ACOT11: variants seen among roughly 807,000 people sequenced by gnomAD.
The protein encoded by ACOT11 is acyl-coenzyme A thioesterase 11.
ACOT11 carries 69 observed loss-of-function variants against 77.5 expected under a neutral mutation model. That is an observed-to-expected ratio of 0.89 (90% CI 0.73 to 1.09). The LOEUF is 1.09. ACOT11 is among the 50% of genes least tolerant of loss of function. ACOT11 has a pLI of 0.00. For missense variants in ACOT11, 766 were observed against 813.7 expected, an observed-to-expected ratio of 0.94 and a Z score of 0.71; for synonymous variants, 279 against 313.0, an observed-to-expected ratio of 0.89 and a Z score of 1.15.
At chr1:54,618,446 A>C (rs1232597303) in intron 15 of ACOT11, among the ~76,000 whole-genome samples, 1 of 152,172 alleles carries the variant, frequency 6.6e-6, no homozygotes, top group Non-Finnish European at 1.5e-5. Context: ...TGGAGGTTGC[A>C]GTGAGCCAAG....
At chr1:54,577,641 A>G (rs1654162997) in intron 1 of ACOT11, among the ~76,000 whole-genome samples, 1 of 151,818 alleles carries the variant, frequency 6.6e-6, no homozygotes, top group Non-Finnish European at 1.5e-5. Context: ...ATGTGCATGT[A>G]TTTGTACTTG....
chr1:54,606,616 TCTA>T (rs1475584489), intron 13 of ACOT11, among the ~76,000 whole-genome samples: 9 of 152,224 alleles, frequency 5.9e-5, no homozygotes, highest in Non-Finnish European at 1.3e-4. Context: ...ATCTTCCTCA[TCTA>T]TGAGATAGGA....
rs1171147159 is a variant in ACOT11, at chr1:54,608,076, C to T, written c.1629+8C>T. ...GGGGACCAGCTGACCAAGGTGAGGCCGGTCCCCCCAACCACGCCCCCAGCC... is the reference window on the plus strand; with the variant it reads ...GGGGACCAGCTGACCAAGGTGAGGCTGGTCCCCCCAACCACGCCCCCAGCC... On this transcript the variant is annotated splice_region_variant and intron_variant, in intron 15 of 15. Transcript: ENST00000343744. The T allele has an allele frequency of 6.2e-6, 10 of 1,607,866 alleles. No homozygotes were observed. The highest frequency in any genetic ancestry group is 2.2e-5 in the South Asian group (2 of 90,888).
At chr1:54,596,280 T>C (rs1024190903) in intron 6 of ACOT11, among the ~76,000 whole-genome samples, 5 of 152,028 alleles carry the variant, frequency 3.3e-5, no homozygotes, top group Admixed American at 3.3e-4. Context: ...GCCCCCACCC[T>C]GTCTGTGGTC....
At chr1:54,601,500 A>G in intron 9 of ACOT11, 87 bp downstream of exon 9, 1 of 1,549,002 alleles carries the variant, frequency 6.5e-7, no homozygotes, top group South Asian at 1.2e-5. Context: ...AGCCCCCTAC[A>G]GACCTAGAGG....
At chr1:54,590,959 T>C (rs1569727198) in intron 3 of ACOT11, among the ~76,000 whole-genome samples, 1 of 152,178 alleles carries the variant, frequency 6.6e-6, no homozygotes, top group Non-Finnish European at 1.5e-5. Flanking sequence ...AGTTTCACCA[T>C]GTTGGCCAGG....
chr1:54,617,659 G>A lies in ACOT11; in HGVS notation c.1629+9591G>A, dbSNP rs1253918189. On this transcript the variant is annotated intron_variant, in intron 15 of 16. Transcript: ENST00000371316. ...TTTAATGTGCACATAGATCCCCCAG[G>A]AACTGTAAAAATGCATGTTCTGATC... 2.1e-5 allele frequency among the ~76,000 whole-genome samples: 3 copies of A among 143,426 alleles called. No homozygotes were observed. The East Asian group carries it at 6.3e-4, about 30-fold the overall frequency. The allele number at this position is 143,426 out of a possible 152,430, so 94.1% of individuals were successfully genotyped here.
At position 54,570,629 on chromosome 1, in the gene ACOT11, C is replaced by T. The variant is rs746324118; in HGVS notation, c.34-14026C>T. ...CTGGGTTCAAGCGATTCTCCTGCCT[C>T]AGCCTCCCAAAGTGCTGGCTGGGAT... On this transcript the variant is annotated intron_variant, in intron 1 of 15. Transcript: ENST00000343744. Among the ~76,000 whole-genome samples, 36 of 152,012 alleles carry T rather than the reference C, an allele frequency of 2.4e-4. 2 individuals carry two copies. The highest frequency in any genetic ancestry group is 1.3e-4 in the Admixed American group (2 of 15,274).
At chr1:54,601,444 C>G in intron 9 of ACOT11, 31 bp downstream of exon 9, 7 of 1,601,262 alleles carry the variant, frequency 4.4e-6, no homozygotes, top group Non-Finnish European at 6.0e-6. Context: ...GCCCCACCAG[C>G]AGCTCCCCTC....
Position 54,607,391 on chromosome 1 carries a change from C to A in ACOT11, c.1502+126C>A. ...TCTGCTTCCCATTGGCTGTGGGGCCCCAGGCACCACTAGACTTTTCTGGGC... is the reference window on the plus strand; with the variant it reads ...TCTGCTTCCCATTGGCTGTGGGGCCACAGGCACCACTAGACTTTTCTGGGC... On this transcript the variant is annotated intron_variant, in intron 14 of 15. Coordinates refer to ENST00000343744, the MANE Select transcript of ACOT11 (RefSeq NM_147161.4). The surrounding 1 kb of genome is among the most constrained non-coding windows in gnomAD (Gnocchi z 4.5). 1 of 1,403,404 alleles carries A rather than the reference C, an allele frequency of 7.1e-7. No homozygotes were observed. The highest frequency in any genetic ancestry group is 9.7e-7 in the Non-Finnish European group (1 of 1,027,164). 86.9% of individuals were successfully genotyped at this position (1,403,404 alleles called of 1,614,324 possible).
intron 15 of ACOT11, chr1:54,616,159 G>T: frequency 1.2e-6 from 2 of 1,614,102 alleles, no homozygotes; most frequent in African/African-American, 2.7e-5. Context: ...CAGCCTCCAG[G>T]ACTGTGATGT....
chr1:54,593,225 C>T (rs541217531), intron 4 of ACOT11, among the ~76,000 whole-genome samples: 3 of 152,276 alleles, frequency 2.0e-5, no homozygotes, highest in African/African-American at 7.2e-5. Context: ...TGCCTCTGGG[C>T]ACCCCATGAA....
chr1:54,600,498 C>T (rs375086653), intron 8 of ACOT11, among the ~76,000 whole-genome samples: 2 of 152,270 alleles, frequency 1.3e-5, no homozygotes, highest in East Asian at 3.9e-4. Flanking sequence ...TCCTGGCCAA[C>T]ATGGCGAAAC....
downstream of ACOT11, among the ~76,000 whole-genome samples, chr1:54,612,014 A>C (rs1644123564): frequency 6.7e-6 from 1 of 148,726 alleles, no homozygotes; most frequent in Non-Finnish European, 1.5e-5. Context: ...GTCCTGTCTT[A>C]GGAAAGGGGC....
In ACOT11 at chr1:54,610,087, GTGGATGGGT is replaced by G; in HGVS notation, c.*978_*986del. 2 of 1,435,586 alleles carry G rather than the reference GTGGATGGGT, an allele frequency of 1.4e-6. No homozygotes were observed. The highest frequency in any genetic ancestry group is 3.0e-5 in the South Asian group (2 of 66,538). 88.9% of individuals were successfully genotyped at this position (1,435,586 alleles called of 1,614,324 possible). ...CTGTCAACCCAGTTTTGGGCTCCAGGTGGATGGGTTGCTTTATAAATGTGCCTGGTGCAT... is the reference window on the plus strand; with the variant it reads ...CTGTCAACCCAGTTTTGGGCTCCAGGTGCTTTATAAATGTGCCTGGTGCAT... On this transcript the variant is annotated 3_prime_UTR_variant, in exon 16 of 16. Coordinates refer to ENST00000343744, the MANE Select transcript of ACOT11 (RefSeq NM_147161.4).
intron 1 of ACOT11, among the ~76,000 whole-genome samples, chr1:54,564,734 T>A (rs1373545593): frequency 6.6e-6 from 1 of 152,198 alleles, no homozygotes; most frequent in African/African-American, 2.4e-5. Context: ...GTCGGAAGAC[T>A]CTGGCTGGTT....
chr1:54,596,781 G>C (rs1450285837), intron 6 of ACOT11, among the ~76,000 whole-genome samples: 1 of 152,218 alleles, frequency 6.6e-6, no homozygotes, highest in East Asian at 1.9e-4. Context: ...CACCATGTTG[G>C]CCAGGCTGGT....
intron 5 of ACOT11, 54 bp downstream of exon 5, chr1:54,594,093 C>A: frequency 6.5e-7 from 1 of 1,527,656 alleles, no homozygotes; most frequent in South Asian, 1.1e-5. Context: ...GGGCACCTGC[C>A]ATGGCGAGTC....
At chr1:54,634,570 C>A in intron 16 of ACOT11, 2 of 581,024 alleles carry the variant, frequency 3.4e-6, no homozygotes, top group Non-Finnish European at 6.1e-6. Context: ...ATAGGGATTA[C>A]AGAACAGCCC....
Sources: gnomAD v4.1 joint callset for allele counts (sites outside exome capture counted in the v4.1 genomes callset) on GRCh38, gnomAD v4.1.1 for gene constraint, Gnocchi (gnomAD v3.1) non-coding constraint, MANE v1.5 for transcripts, NCBI Gene and HGNC (gene_info 2026-07-23, HGNC 2026-07-21) for gene names.